AP3B1: variants seen among roughly 807,000 people sequenced by gnomAD.
The protein encoded by AP3B1 is AP-3 complex subunit beta-1.
In AP3B1, 61 loss-of-function variants were observed where a neutral mutation model predicts 132.5. That is an observed-to-expected ratio of 0.46 (90% confidence interval 0.37 to 0.57). AP3B1 has a LOEUF of 0.57. Ranked by LOEUF, AP3B1 falls within the 20% of genes least tolerant of loss-of-function variation. AP3B1 has a pLI of 0.00. For missense variants in AP3B1, 1,120 were observed against 1,289.4 expected, an observed-to-expected ratio of 0.87 and a Z score of 2.01; for synonymous variants, 388 against 438.3, an observed-to-expected ratio of 0.89 and a Z score of 1.43.
At chr5:78,108,564 A>G (rs1291821486) in intron 20 of AP3B1, among the ~76,000 whole-genome samples, 1 of 152,214 alleles carries the variant, frequency 6.6e-6, no homozygotes, top group Non-Finnish European at 1.5e-5. Flanking sequence ...ACACATGAAC[A>G]CAAAACTATC....
At chr5:78,215,916 T>C (rs752228942) in intron 7 of AP3B1, 139 bp downstream of exon 7, 81 of 766,694 alleles carry the variant, frequency 1.1e-4, no homozygotes, top group Non-Finnish European at 1.7e-4. Flanking sequence ...CCTGCTTTAG[T>C]AAAAGAACAA....
chr5:78,189,429 T>G (rs545557336), intron 7 of AP3B1, among the ~76,000 whole-genome samples: 2 of 152,282 alleles, frequency 1.3e-5, no homozygotes, highest in East Asian at 3.9e-4. Flanking sequence ...TTCTTCAATA[T>G]GTATTTAATT....
At chr5:78,157,173 T>C (rs1281776114) in intron 13 of AP3B1, among the ~76,000 whole-genome samples, 1 of 152,128 alleles carries the variant, frequency 6.6e-6, no homozygotes, top group Admixed American at 6.5e-5. Flanking sequence ...CTGAAGGTAC[T>C]GCAAGTGGCT....
At chr5:78,242,097 G>A (rs549465300) in intron 2 of AP3B1, among the ~76,000 whole-genome samples, 2 of 152,240 alleles carry the variant, frequency 1.3e-5, no homozygotes, top group African/African-American at 4.8e-5. Flanking sequence ...CTTTGCACAT[G>A]TCAGCCCCCG....
At chr5:78,183,600 T>C (rs2112418054) in intron 7 of AP3B1, among the ~76,000 whole-genome samples, 1 of 152,304 alleles carries the variant, frequency 6.6e-6, no homozygotes, top group Non-Finnish European at 1.5e-5. Context: ...CTGGGTGCAG[T>C]GACCCATGCC....
intron 7 of AP3B1, among the ~76,000 whole-genome samples, chr5:78,195,482 C>T (rs765869757): frequency 8.5e-5 from 13 of 152,082 alleles, no homozygotes; most frequent in Non-Finnish European, 1.9e-4. Flanking sequence ...CAAGACAATA[C>T]GATGGAGAAA....
chr5:78,050,111 T>C (rs982134025), intron 22 of AP3B1, among the ~76,000 whole-genome samples: 2 of 152,152 alleles, frequency 1.3e-5, no homozygotes, highest in African/African-American at 4.8e-5. Context: ...GGTTATTCCC[T>C]GGGACCCTCT....
At chr5:78,048,458 G>A (rs1748436516) in intron 22 of AP3B1, among the ~76,000 whole-genome samples, 2 of 152,096 alleles carry the variant, frequency 1.3e-5, no homozygotes, top group South Asian at 2.1e-4. Flanking sequence ...CCCCATGACT[G>A]GCTGCAGTTA....
At chr5:78,073,052 T>C (rs1362477719) in intron 22 of AP3B1, among the ~76,000 whole-genome samples, 1 of 152,202 alleles carries the variant, frequency 6.6e-6, no homozygotes, top group East Asian at 1.9e-4. Flanking sequence ...AAGTGGTTTT[T>C]ACTTTTCTTT....
At chr5:78,027,543 T>C (rs190281124) in intron 24 of AP3B1, among the ~76,000 whole-genome samples, 1 of 152,236 alleles carries the variant, frequency 6.6e-6, no homozygotes, top group East Asian at 1.9e-4. Flanking sequence ...TTTTTCCAGC[T>C]GAATGTTAGA....
intron 7 of AP3B1, among the ~76,000 whole-genome samples, chr5:78,215,214 T>C (rs1249253700): frequency 6.6e-6 from 1 of 152,068 alleles, no homozygotes; most frequent in Non-Finnish European, 1.5e-5. Context: ...AAATCTTTTT[T>C]TTTTTTACAC....
chr5:78,239,888 C>T (rs984225057), intron 3 of AP3B1, among the ~76,000 whole-genome samples: 1 of 151,826 alleles, frequency 6.6e-6, no homozygotes, highest in African/African-American at 2.4e-5. Flanking sequence ...AACATTAGCT[C>T]AAAAATGTTT....
intron 17 of AP3B1, among the ~76,000 whole-genome samples, chr5:78,125,594 TTTAA>T (rs1263294281): frequency 6.6e-6 from 1 of 152,208 alleles, no homozygotes; most frequent in Non-Finnish European, 1.5e-5. Context: ...TATTTTTATA[TTTAA>T]TTGTGTCCCT....
chr5:78,033,925 CAAT>C (rs1302291218), intron 24 of AP3B1, among the ~76,000 whole-genome samples: 1 of 151,830 alleles, frequency 6.6e-6, no homozygotes. Flanking sequence ...CTGATGGCAT[CAAT>C]AATATTCCAC....
intron 14 of AP3B1, among the ~76,000 whole-genome samples, chr5:78,153,057 G>A (rs1753737505): frequency 6.6e-6 from 1 of 152,056 alleles, no homozygotes; most frequent in African/African-American, 2.4e-5. Flanking sequence ...GATCCATTTG[G>A]TGCATAGCAC....
intron 3 of AP3B1, among the ~76,000 whole-genome samples, chr5:78,237,415 G>C (rs868555711): frequency 6.6e-6 from 1 of 152,128 alleles, no homozygotes; most frequent in African/African-American, 2.4e-5. Context: ...GATCACTTGA[G>C]CCCAGGAAGT....
intron 22 of AP3B1, chr5:78,089,101 T>A (rs1437824622): frequency 3.0e-6 from 1 of 335,988 alleles, no homozygotes; most frequent in African/African-American, 2.1e-5. Flanking sequence ...ACAGTTCAGG[T>A]ATATGTACTG....
chr5:78,283,075 CT>C (rs758333089), intron 1 of AP3B1, among the ~76,000 whole-genome samples: 4 of 152,142 alleles, frequency 2.6e-5, no homozygotes, highest in Middle Eastern at 3.2e-3. Flanking sequence ...ATCATAATTA[CT>C]ATGTTTATTA....
intron 11 of AP3B1, among the ~76,000 whole-genome samples, chr5:78,171,732 C>G (rs891688554): frequency 1.3e-5 from 2 of 152,256 alleles, no homozygotes; most frequent in African/African-American, 4.8e-5. Flanking sequence ...CCCGTTATTT[C>G]TTTCTCTTGC....
Sources: gnomAD v4.1 joint callset for allele counts (sites outside exome capture counted in the v4.1 genomes callset) on GRCh38, gnomAD v4.1.1 for gene constraint, MANE v1.5 for transcripts, NCBI Gene and HGNC (gene_info 2026-07-23, HGNC 2026-07-21) for gene names.